Variants in ASAP1 observed in about 807,000 individuals in gnomAD.
ASAP1 encodes the protein arf-GAP with SH3 domain, ANK repeat and PH domain-containing protein 1.
A neutral mutation model predicts 145.2 loss-of-function variants in ASAP1; 43 were observed. The observed-to-expected ratio is 0.30, with a 90% CI of 0.23 to 0.38. The LOEUF (loss-of-function observed/expected upper bound fraction) is 0.38. Ranked by LOEUF, ASAP1 falls within the 10% of genes least tolerant of loss-of-function variation. The pLI, the probability that ASAP1 is intolerant of heterozygous loss-of-function variation, is 1.00. For synonymous variants in ASAP1, 546 were observed against 515.5 expected, an observed-to-expected ratio of 1.06 and a Z score of -0.80; for missense variants, 1,018 against 1,355.3, an observed-to-expected ratio of 0.75 and a Z score of 3.91.
At chr8:130,057,859 C>T in intron 29 of ASAP1, 95 bp downstream of exon 29, 4 of 1,503,330 alleles carry the variant, frequency 2.7e-6, no homozygotes, top group Non-Finnish European at 3.6e-6. Context: ...GCTCAAGAGC[C>T]CTCTTTTACT....
chr8:130,403,554 C>CTTTTTTTTTTTTTT (rs372481861), intron 1 of ASAP1, among the ~76,000 whole-genome samples: 51 of 125,374 alleles, frequency 4.1e-4, no homozygotes, highest in African/African-American at 5.6e-4. Flanking sequence ...TTTTCTTTTT[C>CTTTTTTTTTTTTTT]TTTTTTTTTT....
In ASAP1 at chr8:130,060,929, G is replaced by A; in HGVS notation, c.2842C>T (p.Pro948Ser). Residue 948 changes from proline to serine, a missense_variant, in exon 28 of 30, where the codon CCC becomes TCC. This residue lies in a region of ASAP1 where 139 missense variants were observed against 131.0 expected (regional missense o/e 1.06). Coordinates refer to ENST00000518721, the MANE Select transcript of ASAP1 (RefSeq NM_018482.4). ...GGCAAATCTCCAATTTGGGGCTTGG[G>A]GGCCAGTTCTGTGGGCTTTGGGGGC... ...DLPPKPTELA[P>S]KPQIGDLPPK... 2 of 1,610,810 alleles carry A rather than the reference G, an allele frequency of 1.2e-6. No individual in the cohort carries two copies. The highest frequency in any genetic ancestry group is 1.1e-5 in the South Asian group (1 of 90,754).
intron 3 of ASAP1, among the ~76,000 whole-genome samples, chr8:130,263,463 A>AT (rs2137000264): frequency 6.6e-6 from 1 of 152,360 alleles, no homozygotes; most frequent in African/African-American, 2.4e-5. Context: ...TGGGTACAGC[A>AT]TGAGTGTGAA....
chr8:130,127,952 G>C lies in ASAP1; in HGVS notation c.1356C>G (p.Asp452Glu). The change falls in exon 16 of 30, where the codon GAC (aspartate) becomes GAG (glutamate). Residue 452 changes from aspartate (D) to glutamate (E), a missense_variant. Transcript: ENST00000518721. Reference protein sequence around the residue: ...IEDVQRLPGNDICCDCGSSEP... With the variant: ...IEDVQRLPGNEICCDCGSSEP... ...CTGATGAGCCACAATCGCAGCAAAT[G>C]TCATTCCCTGGGAGCCGCTGGACAT... The C allele has an allele frequency of 6.2e-7, 1 of 1,613,854 alleles. No individual in the cohort carries two copies. Among genetic ancestry groups the C allele is most frequent in the Non-Finnish European group, 8.5e-7 (1 of 1,179,934 alleles).
intron 19 of ASAP1, 51 bp from the exon 20 acceptor site, chr8:130,118,297 G>A (rs767474576): frequency 3.2e-6 from 5 of 1,565,712 alleles, no homozygotes; most frequent in Non-Finnish European, 4.4e-6. Context: ...CTCTGCCAAG[G>A]GAGGCTTCAT....
chr8:130,154,762 A>G (rs1460868715), intron 12 of ASAP1, among the ~76,000 whole-genome samples: 1 of 152,256 alleles, frequency 6.6e-6, no homozygotes, highest in East Asian at 1.9e-4. Context: ...TAAGAATCTG[A>G]CACCATCTAA....
In ASAP1 at chr8:130,326,625, T is replaced by C. The variant is rs375242418; in HGVS notation, c.186+31392A>G. Among the ~76,000 whole-genome samples, 171 of 152,284 alleles carry C rather than the reference T, an allele frequency of 1.1e-3. 2 individuals carry two copies. In the South Asian group the frequency reaches 0.035, roughly 31 times the overall value. On this transcript the variant is annotated intron_variant, in intron 3 of 29. Transcript: ENST00000518721. ...TCAAAGAATATTAACAGGGTGTCCA[T>C]CCGGAGGCCAACAAAGAGTAGAGAA...
intron 18 of ASAP1, 35 bp downstream of exon 18, chr8:130,123,978 G>T: frequency 6.9e-7 from 1 of 1,457,988 alleles, no homozygotes; most frequent in Non-Finnish European, 9.5e-7. Context: ...ATTATAGAAT[G>T]GTTTAAAAAA....
intron 13 of ASAP1, among the ~76,000 whole-genome samples, chr8:130,143,115 T>C (rs900872774): frequency 6.6e-6 from 1 of 152,198 alleles, no homozygotes; most frequent in African/African-American, 2.4e-5. Context: ...GAGGGACACA[T>C]TGTTCCTGAA....
At chr8:130,078,580 A>G (rs1485476407) in intron 26 of ASAP1, among the ~76,000 whole-genome samples, 1 of 152,158 alleles carries the variant, frequency 6.6e-6, no homozygotes, top group African/African-American at 2.4e-5. Context: ...CACTGTGTCC[A>G]GCCTTTAAAA....
At chr8:130,061,144 C>CCAT (rs1451738904) in intron 27 of ASAP1, 75 bp from the exon 28 acceptor site, 1 of 1,502,806 alleles carries the variant, frequency 6.7e-7, no homozygotes, top group African/African-American at 1.4e-5. Flanking sequence ...AAAAGAGGCA[C>CCAT]CATCATCATG....
chr8:130,366,944 TGC>T (rs1238322308), intron 2 of ASAP1, among the ~76,000 whole-genome samples: 6 of 141,654 alleles, frequency 4.2e-5, no homozygotes, highest in African/African-American at 1.6e-4. Context: ...CAGGCTGGAG[TGC>T]AGTGGCACAA....
chr8:130,403,313 A>C (rs1261056837), intron 1 of ASAP1, among the ~76,000 whole-genome samples: 1 of 152,070 alleles, frequency 6.6e-6, no homozygotes, highest in Non-Finnish European at 1.5e-5. Flanking sequence ...AAAAACCCAG[A>C]TCCAAATAAG....
At chr8:130,344,430 G>A (rs757634612) in intron 3 of ASAP1, among the ~76,000 whole-genome samples, 1 of 151,776 alleles carries the variant, frequency 6.6e-6, no homozygotes, top group Non-Finnish European at 1.5e-5. Flanking sequence ...AAGTATTTAC[G>A]GATGAAATGA....
intron 5 of ASAP1, among the ~76,000 whole-genome samples, chr8:130,195,714 G>A (rs1231668806): frequency 6.6e-6 from 1 of 152,124 alleles, no homozygotes; most frequent in Non-Finnish European, 1.5e-5. Flanking sequence ...TTATGCAAAA[G>A]GGGCTTAAGG....
Position 130,424,147 on chromosome 8 carries a change from T to TA in ASAP1, c.-28+19312dup, listed in dbSNP as rs780749603. Among the ~76,000 whole-genome samples the TA allele has an allele frequency of 6.9e-4, 104 of 151,764 alleles. 1 individual carries two copies. Among genetic ancestry groups the TA allele is most frequent in the East Asian group, 4.8e-3 (25 of 5,180 alleles). The stretch of plus-strand genomic sequence containing the variant: ...AAGAAACTATAAAAGGCCTTGAGGT[T>TA]AAAAAAAAATCAATAAATGTGAGCT... On this transcript the variant is annotated intron_variant, in intron 1 of 29. Transcript: ENST00000518721.
intron 3 of ASAP1, among the ~76,000 whole-genome samples, chr8:130,317,443 G>C (rs1167843316): frequency 1.3e-5 from 2 of 152,230 alleles, no homozygotes; most frequent in Non-Finnish European, 2.9e-5. Flanking sequence ...GACTCACTTA[G>C]CTGCTAATGA....
At chr8:130,119,046 A>G (rs2097561106) in intron 18 of ASAP1, among the ~76,000 whole-genome samples, 1 of 152,202 alleles carries the variant, frequency 6.6e-6, no homozygotes, top group Admixed American at 6.5e-5. Context: ...AGACCAATTA[A>G]AAGTTTTCAG....
chr8:130,266,974 T>C (rs10099391), intron 3 of ASAP1, among the ~76,000 whole-genome samples: 7 of 151,136 alleles, frequency 4.6e-5, no homozygotes, highest in African/African-American at 1.5e-4. Context: ...ATAAGAGACA[T>C]AGAAGATAGA....
Sources: allele counts gnomAD v4.1 joint callset (sites outside exome capture counted in the v4.1 genomes callset), GRCh38; gene constraint gnomAD v4.1.1; regional missense constraint gnomAD v4.1.1; transcripts MANE v1.5; gene names NCBI Gene and HGNC (gene_info 2026-07-23, HGNC 2026-07-21).